The following DIAPH2 variants were observed in gnomAD, a reference collection of about 807,000 sequenced individuals.
DIAPH2 encodes the protein diaphanous related formin 2, also known as protein diaphanous homolog 2.
Under a neutral mutation model 92.7 loss-of-function variants are expected in DIAPH2, and 35 were observed. The ratio of observed to expected loss-of-function variants is 0.38; its 90% CI spans 0.29 to 0.50. DIAPH2 has a LOEUF of 0.50. Among genes scored for constraint, DIAPH2 ranks in the 20% least tolerant of loss-of-function variants. DIAPH2 has a pLI of 0.94. For synonymous variants in DIAPH2, 301 were observed against 280.4 expected, an observed-to-expected ratio of 1.07 and a Z score of -0.73; for missense variants, 701 against 819.5, an observed-to-expected ratio of 0.86 and a Z score of 1.77.
chrX:97,319,577 G>A lies in DIAPH2; in HGVS notation c.2845-28539G>A, dbSNP rs1000730902. ...AATTTTTTGTATTTTTAGTAAAGAC[G>A]GAGTTTCACCGTGTTAGCTAGGATG... is the stretch of plus-strand genomic sequence containing the variant. On this transcript the variant is annotated intron_variant, in intron 23 of 26. Coordinates refer to ENST00000324765, the MANE Select transcript of DIAPH2 (RefSeq NM_006729.5). 4.6e-5 allele frequency among the ~76,000 whole-genome samples: 5 copies of A among 109,530 alleles called. No individual in the cohort carries two copies. In the Admixed American group the frequency reaches 4.9e-4, roughly 11 times the overall value.
At chrX:96,742,739 T>G (rs1189435510) in intron 3 of DIAPH2, among the ~76,000 whole-genome samples, 2 of 109,527 alleles carry the variant, frequency 1.8e-5, no homozygotes, top group Non-Finnish European at 3.8e-5. Flanking sequence ...TGATCTTGGC[T>G]CACTGCAACC....
rs60989289 is a variant in DIAPH2 at position 97,427,657 on chromosome X, G to GTTTTGTTTTTGTTTTTGTTTTTGT, written c.3146-1974_3146-1951dup. Among the ~76,000 whole-genome samples, 13 of 97,406 alleles carry GTTTTGTTTTTGTTTTTGTTTTTGT rather than the reference G, an allele frequency of 1.3e-4. No homozygotes were observed. The East Asian group carries it at 1.4e-3, about 10-fold the overall frequency. The allele number at this position is 97,406 out of a possible 115,157, so 84.6% of individuals were successfully genotyped here. A position where few individuals can be genotyped will look rare whatever the true frequency, so the allele number is the denominator to read the frequency against. On this transcript the variant is annotated intron_variant, in intron 25 of 26. Transcript: ENST00000324765. ...GAGCTTAATGAATGTTGTTTTGTTT[G>GTTTTGTTTTTGTTTTTGTTTTTGT]TTTTGTTTTTGTTTTTGTTTTTGTT... is the stretch of plus-strand genomic sequence containing the variant.
At chrX:96,943,267 G>A (rs189517726) in intron 13 of DIAPH2, among the ~76,000 whole-genome samples, 37 of 110,937 alleles carry the variant, frequency 3.3e-4, no homozygotes, top group Non-Finnish European at 6.1e-4. Context: ...CTTTTTGTGC[G>A]TTCATAATTG....
intron 21 of DIAPH2, among the ~76,000 whole-genome samples, chrX:97,138,778 A>G (rs2067190400): frequency 9.0e-6 from 1 of 111,710 alleles, no homozygotes; most frequent in Non-Finnish European, 1.9e-5. Context: ...ATCTTATAAA[A>G]ATAAGTCATA....
chrX:97,532,803 G>A (rs763118366), intron 26 of DIAPH2, among the ~76,000 whole-genome samples: 10 of 96,080 alleles, frequency 1.0e-4, no homozygotes, highest in Admixed American at 6.9e-4. Flanking sequence ...GTTCCTCCTC[G>A]TCAGCAGGGG....
intron 26 of DIAPH2, among the ~76,000 whole-genome samples, chrX:97,594,202 T>G (rs2071536417): frequency 9.8e-6 from 1 of 102,266 alleles, no homozygotes; most frequent in South Asian, 4.5e-4. Flanking sequence ...TATATATACG[T>G]ACACATACAC....
intron 22 of DIAPH2, among the ~76,000 whole-genome samples, chrX:97,224,825 A>G (rs1189472986): frequency 9.0e-6 from 1 of 111,467 alleles, no homozygotes; most frequent in East Asian, 2.8e-4. Context: ...CTGCCATTCT[A>G]TCACCTTTAT....
At chrX:96,801,550 A>C (rs1234489177) in intron 4 of DIAPH2, among the ~76,000 whole-genome samples, 2 of 111,434 alleles carry the variant, frequency 1.8e-5, no homozygotes, top group Non-Finnish European at 1.9e-5. Context: ...ATAAAGACTA[A>C]CAGGTATAAA....
At chrX:97,134,155 A>G (rs1196204318) in intron 21 of DIAPH2, among the ~76,000 whole-genome samples, 1 of 111,699 alleles carries the variant, frequency 9.0e-6, no homozygotes, top group Non-Finnish European at 1.9e-5. Context: ...AGAACACTGA[A>G]GAGCAATGTA....
chrX:96,825,361 T>C lies in DIAPH2; in HGVS notation c.448-56218T>C, dbSNP rs182770303. Among the ~76,000 whole-genome samples, 754 of 107,930 alleles carry C rather than the reference T, an allele frequency of 7.0e-3. 8 individuals are homozygous for C. The highest frequency in any genetic ancestry group is 0.024 in the African/African-American group (716 of 30,000). 93.7% of individuals were successfully genotyped at this position (107,930 alleles called of 115,157 possible). ...GATTACTACATGTGTTTTCTTTTTT[T>C]TTTTTTTTTTTTTACTATTTTGCTA... On this transcript the variant is annotated intron_variant, in intron 4 of 26. Transcript: ENST00000324765.
intron 23 of DIAPH2, among the ~76,000 whole-genome samples, chrX:97,259,511 G>A (rs988399361): frequency 1.8e-5 from 2 of 111,628 alleles, no homozygotes; most frequent in East Asian, 2.8e-4. Context: ...CTCTTGTTCC[G>A]TCTTCTCCCT....
At chrX:96,815,430 G>A (rs2064725299) in intron 4 of DIAPH2, among the ~76,000 whole-genome samples, 1 of 111,790 alleles carries the variant, frequency 8.9e-6, no homozygotes, top group African/African-American at 3.3e-5. Flanking sequence ...GGTATAGTCT[G>A]TCACAGCTTC....
intron 22 of DIAPH2, among the ~76,000 whole-genome samples, chrX:97,189,776 A>G (rs948225203): frequency 2.7e-5 from 3 of 112,735 alleles, no homozygotes; most frequent in African/African-American, 9.7e-5. Context: ...TAAAGCTGGC[A>G]TGCTGTTTGA....
intron 4 of DIAPH2, among the ~76,000 whole-genome samples, chrX:96,852,025 G>T (rs1048080986): frequency 1.3e-4 from 15 of 111,979 alleles, no homozygotes; most frequent in African/African-American, 4.9e-4. Context: ...AGTGCTAAAT[G>T]AGTTCAAAAT....
At chrX:97,322,697 CA>C (rs752314253) in intron 23 of DIAPH2, among the ~76,000 whole-genome samples, 2 of 107,504 alleles carry the variant, frequency 1.9e-5, no homozygotes, top group East Asian at 5.8e-4. Flanking sequence ...AAAAAACAAA[CA>C]AAAAAAAACC....
At chrX:96,699,927 CT>C (rs762019074) in intron 1 of DIAPH2, among the ~76,000 whole-genome samples, 3 of 112,420 alleles carry the variant, frequency 2.7e-5, no homozygotes, top group African/African-American at 9.7e-5. Flanking sequence ...TTAAAAGGCT[CT>C]TTTTCCATCT....
chrX:97,255,535 A>AAC (rs1308426900), intron 23 of DIAPH2, among the ~76,000 whole-genome samples: 1 of 111,997 alleles, frequency 8.9e-6, no homozygotes, highest in African/African-American at 3.2e-5. Context: ...ACAAGCCTGT[A>AAC]ACAATGCTTT....
chrX:96,701,920 T>C (rs944754060), intron 1 of DIAPH2, among the ~76,000 whole-genome samples: 1 of 111,458 alleles, frequency 9.0e-6, no homozygotes, highest in African/African-American at 3.3e-5. Flanking sequence ...CATAGTTATT[T>C]CCCACATTTA....
intron 23 of DIAPH2, among the ~76,000 whole-genome samples, chrX:97,269,751 A>ATT (rs1318136033): frequency 2.1e-5 from 2 of 94,764 alleles, no homozygotes; most frequent in Non-Finnish European, 4.1e-5. Context: ...TACTATTTTT[A>ATT]TTTTTTTTTT....
Sources: gnomAD v4.1 joint callset for allele counts (sites outside exome capture counted in the v4.1 genomes callset) on GRCh38, gnomAD v4.1.1 for gene constraint, MANE v1.5 for transcripts, NCBI Gene and HGNC (gene_info 2026-07-23, HGNC 2026-07-21) for gene names.